Variants in OSBPL10 observed in about 807,000 individuals in gnomAD.
The protein encoded by OSBPL10 is oxysterol binding protein like 10, also known as oxysterol-binding protein-related protein 10.
OSBPL10 carries 49 observed loss-of-function variants against 81.7 expected under a neutral mutation model. The observed-to-expected ratio is 0.60, with a 90% CI of 0.48 to 0.76. The LOEUF (loss-of-function observed/expected upper bound fraction) is 0.76, where lower values mean the gene tolerates loss of function less well. OSBPL10 is among the 30% of genes least tolerant of loss of function. OSBPL10 has a pLI of 0.00. For missense variants in OSBPL10, 923 were observed against 987.8 expected, an observed-to-expected ratio of 0.93 and a Z score of 0.88; for synonymous variants, 419 against 383.6, an observed-to-expected ratio of 1.09 and a Z score of -1.08.
chr3:31,758,385 C>G (rs959958135), intron 4 of OSBPL10, among the ~76,000 whole-genome samples: 16 of 152,204 alleles, frequency 1.1e-4, no homozygotes, highest in African/African-American at 3.4e-4. Flanking sequence ...AAGGGGACCT[C>G]AGAGAAACCC....
At chr3:31,688,279 TCTCTCACACACACACA>T (rs1700845888) in intron 7 of OSBPL10, among the ~76,000 whole-genome samples, 1 of 77,780 alleles carries the variant, frequency 1.3e-5, no homozygotes, top group African/African-American at 3.3e-5. Flanking sequence ...TCTCTCTCTC[TCTCTCACACACACACA>T]CACACACACA....
Position 31,954,893 on chromosome 3 carries a change from A to T in OSBPL10, c.281+26006T>A, listed in dbSNP as rs78121049. Among the ~76,000 whole-genome samples, 2,210 of 152,348 alleles carry T rather than the reference A, an allele frequency of 0.015. 169 individuals carry two copies. In the East Asian group the frequency reaches 0.22, roughly 15 times the overall value. ...ATAAAGAAATAAAATGGATCTATGG[A>T]TGAGACAGATGGACAGACATGTAAA... On this transcript the variant is annotated intron_variant, in intron 1 of 11. Transcript: ENST00000396556.
At chr3:31,743,102 G>A (rs1427062453) in intron 5 of OSBPL10, among the ~76,000 whole-genome samples, 1 of 139,436 alleles carries the variant, frequency 7.2e-6, no homozygotes, top group Non-Finnish European at 1.5e-5. Flanking sequence ...ACGCAGTGGT[G>A]CGATCTCAGC....
At chr3:31,988,051 C>T (rs577155467) in intron 2 of OSBPL10, among the ~76,000 whole-genome samples, 1 of 152,298 alleles carries the variant, frequency 6.6e-6, no homozygotes, top group Non-Finnish European at 1.5e-5. Context: ...GGCCTTGAGA[C>T]CTAATCACGG....
chr3:31,935,997 T>G (rs1219106376), intron 1 of OSBPL10, among the ~76,000 whole-genome samples: 1 of 152,172 alleles, frequency 6.6e-6, no homozygotes. Context: ...TCTTTCCACT[T>G]TATGCTTTTA....
chr3:31,800,658 G>T (rs1250555461), intron 4 of OSBPL10, among the ~76,000 whole-genome samples: 1 of 152,116 alleles, frequency 6.6e-6, no homozygotes, highest in Non-Finnish European at 1.5e-5. Flanking sequence ...CTACAGCAAG[G>T]AAAGACTTTT....
chr3:31,882,852 C>T (rs550927404), intron 1 of OSBPL10, among the ~76,000 whole-genome samples: 1 of 152,308 alleles, frequency 6.6e-6, no homozygotes, highest in Non-Finnish European at 1.5e-5. Context: ...ATAGCAGCTG[C>T]TAGCCTTACA....
chr3:31,673,609 C>A (rs1374895117), intron 8 of OSBPL10, among the ~76,000 whole-genome samples: 1 of 152,160 alleles, frequency 6.6e-6, no homozygotes, highest in African/African-American at 2.4e-5. Flanking sequence ...AGTCCACTGC[C>A]ACCCTCCCCA....
intron 1 of OSBPL10, among the ~76,000 whole-genome samples, chr3:31,937,535 A>C (rs9824465): frequency 0.59 from 89,110 of 151,824 alleles, 27,283 homozygotes; most frequent in African/African-American, 0.77. Context: ...CTAGAAGAAC[A>C]ATACAGCCAC....
At chr3:31,827,013 A>G (rs1165086746) in intron 4 of OSBPL10, among the ~76,000 whole-genome samples, 1 of 152,248 alleles carries the variant, frequency 6.6e-6, no homozygotes, top group Admixed American at 6.5e-5. Flanking sequence ...CAAGAAGCTG[A>G]AGAAATATAC....
At chr3:32,021,204 C>T (rs1016793381) in intron 2 of OSBPL10, among the ~76,000 whole-genome samples, 1 of 152,116 alleles carries the variant, frequency 6.6e-6, no homozygotes. Flanking sequence ...TGAATTGGGG[C>T]GTGGGTGGGA....
rs538473311 is a variant in OSBPL10, at chr3:31,719,448, G to A, written c.1095+13809C>T. On this transcript the variant is annotated intron_variant, in intron 6 of 11. Transcript: ENST00000396556. ...TGTTAAAGACAAAAGAAATACAAACGGCTAATAAATATGTGAAAATATGCT... is the reference window on the plus strand; with the variant it reads ...TGTTAAAGACAAAAGAAATACAAACAGCTAATAAATATGTGAAAATATGCT... Among the ~76,000 whole-genome samples the A allele has an allele frequency of 2.6e-4, 39 of 152,058 alleles. 1 individual carries two copies. In the South Asian group the frequency reaches 6.4e-3, roughly 25 times the overall value.
intron 1 of OSBPL10, among the ~76,000 whole-genome samples, chr3:31,962,567 G>C (rs541136465): frequency 6.6e-6 from 1 of 151,978 alleles, no homozygotes; most frequent in African/African-American, 2.4e-5. Context: ...CTTTAAATGG[G>C]AACCAGCACA....
intron 3 of OSBPL10, among the ~76,000 whole-genome samples, chr3:31,876,220 T>A (rs1297907731): frequency 1.3e-5 from 2 of 152,214 alleles, no homozygotes; most frequent in Admixed American, 1.3e-4. Context: ...TCGGTTCCCA[T>A]AGTGTCTGCG....
intron 8 of OSBPL10, among the ~76,000 whole-genome samples, chr3:31,674,163 G>GA (rs777013806): frequency 1.3e-5 from 2 of 152,172 alleles, no homozygotes; most frequent in African/African-American, 2.4e-5. Context: ...ATGTCATGGG[G>GA]AGGGATCTCT....
At chr3:31,980,299 G>A (rs1412707253) in intron 1 of OSBPL10, among the ~76,000 whole-genome samples, 4 of 152,168 alleles carry the variant, frequency 2.6e-5, no homozygotes, top group African/African-American at 9.7e-5. Flanking sequence ...ACCGCGCCCG[G>A]CCTCTTTCTG....
chr3:31,806,829 C>T (rs1265127441), intron 4 of OSBPL10, among the ~76,000 whole-genome samples: 1 of 151,938 alleles, frequency 6.6e-6, no homozygotes, highest in African/African-American at 2.4e-5. Context: ...ATGCAGGGAA[C>T]GGTGAGTGCA....
intron 4 of OSBPL10, chr3:31,797,703 T>A: frequency 2.4e-6 from 1 of 420,922 alleles, no homozygotes; most frequent in South Asian, 1.7e-5. Context: ...TTTTTATATG[T>A]ACCATGATAT....
At chr3:31,907,743 T>C (rs1696453615) in intron 1 of OSBPL10, among the ~76,000 whole-genome samples, 1 of 151,920 alleles carries the variant, frequency 6.6e-6, no homozygotes, top group African/African-American at 2.4e-5. Flanking sequence ...TTTTATTAAA[T>C]TATGAGGTTC....
Sources: allele counts gnomAD v4.1 joint callset (sites outside exome capture counted in the v4.1 genomes callset), GRCh38; gene constraint gnomAD v4.1.1; transcripts MANE v1.5; gene names NCBI Gene and HGNC (gene_info 2026-07-23, HGNC 2026-07-21).